PARD3: variants seen among roughly 807,000 people sequenced by gnomAD.
PARD3 encodes partitioning defective 3 homolog.
PARD3 carries 75 observed loss-of-function variants against 155.4 expected under a neutral mutation model. The observed-to-expected ratio is 0.48, with a 90% CI of 0.40 to 0.58. The LOEUF is 0.58. Among genes scored for constraint, PARD3 ranks in the 20% least tolerant of loss-of-function variants. The probability of loss-of-function intolerance (pLI) is 0.00; values close to 1 mark genes in which losing one functional copy is unlikely to be tolerated. For synonymous variants in PARD3, 576 were observed against 610.5 expected, an observed-to-expected ratio of 0.94 and a Z score of 0.83; for missense variants, 1,642 against 1,721.7, an observed-to-expected ratio of 0.95 and a Z score of 0.82.
intron 2 of PARD3, among the ~76,000 whole-genome samples, chr10:34,634,362 A>G (rs1176754088): frequency 1.3e-5 from 2 of 152,152 alleles, no homozygotes; most frequent in African/African-American, 4.8e-5. Flanking sequence ...AAATGCTCAT[A>G]TATGTGCAGA....
intron 3 of PARD3, among the ~76,000 whole-genome samples, chr10:34,498,404 G>A (rs2133394111): frequency 1.3e-5 from 2 of 152,284 alleles, no homozygotes; most frequent in East Asian, 3.9e-4. Context: ...TGTCCCATGA[G>A]TTTTATACAC....
chr10:34,344,369 G>C, intron 15 of PARD3: 1 of 789,990 alleles, frequency 1.3e-6, no homozygotes, highest in Non-Finnish European at 1.5e-6. Flanking sequence ...TGCAAGCTCT[G>C]CCTCCTGGGT....
chr10:34,502,776 C>A (rs986995799), intron 3 of PARD3, among the ~76,000 whole-genome samples: 9 of 151,920 alleles, frequency 5.9e-5, no homozygotes, highest in Non-Finnish European at 7.4e-5. Context: ...AAACAAAAAA[C>A]AACAACTTTG....
chr10:34,296,188 AT>A lies in PARD3; in HGVS notation c.3066-11944del, dbSNP rs1190387198. ...GAGTTCATGAAGTAAACTATATTAT[AT>A]TTTAAAATAAGTTATTGATGGCCCA... On this transcript the variant is annotated intron_variant, in intron 20 of 24. Coordinates refer to ENST00000374788, the MANE Select transcript of PARD3 (RefSeq NM_001184785.2). Among the ~76,000 whole-genome samples, 8 of 152,336 alleles carry A rather than the reference AT, an allele frequency of 5.3e-5. No homozygotes were observed. The East Asian group carries it at 1.5e-3, about 29-fold the overall frequency.
chr10:34,526,261 G>A (rs1333319328), intron 2 of PARD3, among the ~76,000 whole-genome samples: 1 of 151,986 alleles, frequency 6.6e-6, no homozygotes, highest in Non-Finnish European at 1.5e-5. Flanking sequence ...AAACGTTAGT[G>A]AGCAAGCAAC....
At chr10:34,482,944 T>G (rs1355309063) in intron 3 of PARD3, among the ~76,000 whole-genome samples, 2 of 149,178 alleles carry the variant, frequency 1.3e-5, no homozygotes, top group African/African-American at 2.5e-5. Context: ...AGGTCGGGAG[T>G]TCAAGACCAT....
At chr10:34,363,947 CTACT>C (rs1839709977) in intron 12 of PARD3, among the ~76,000 whole-genome samples, 1 of 152,166 alleles carries the variant, frequency 6.6e-6, no homozygotes, top group Non-Finnish European at 1.5e-5. Context: ...ATTGTGAAAG[CTACT>C]TACTATCCCA....
chr10:34,200,907 G>C (rs567226777), intron 22 of PARD3, among the ~76,000 whole-genome samples: 17 of 152,286 alleles, frequency 1.1e-4, no homozygotes, highest in African/African-American at 4.1e-4. Context: ...TCAGAAACAG[G>C]GAAGACACTG....
intron 2 of PARD3, among the ~76,000 whole-genome samples, chr10:34,535,402 T>C (rs1479165278): frequency 6.6e-6 from 1 of 152,096 alleles, no homozygotes; most frequent in Non-Finnish European, 1.5e-5. Context: ...GTTCATGCAA[T>C]GAGACGAGAG....
rs1465461139 is a variant in PARD3, at chr10:34,799,763, G to A, written c.120+15113C>T. 5.3e-5 allele frequency among the ~76,000 whole-genome samples: 8 copies of A among 152,070 alleles called. No homozygotes were observed. The East Asian group carries it at 1.4e-3, about 26-fold the overall frequency. The stretch of plus-strand genomic sequence containing the variant: ...CCCAGCACTTTGGGGAGCCAAAGTG[G>A]GAGGGTCACTTGAGCCCAGGAGTTG... On this transcript the variant is annotated intron_variant, in intron 1 of 24. Coordinates refer to ENST00000374788, the MANE Select transcript of PARD3 (RefSeq NM_001184785.2).
chr10:34,802,954 G>A (rs765851287), intron 1 of PARD3, among the ~76,000 whole-genome samples: 5 of 151,590 alleles, frequency 3.3e-5, no homozygotes, highest in Admixed American at 6.6e-5. Flanking sequence ...GACCAGGCAC[G>A]GTGACTCACA....
chr10:34,782,767 C>T (rs978131517), intron 1 of PARD3, among the ~76,000 whole-genome samples: 1 of 151,272 alleles, frequency 6.6e-6, no homozygotes, highest in Non-Finnish European at 1.5e-5. Flanking sequence ...TGCTCTGTCA[C>T]CCAGGCTAGA....
intron 3 of PARD3, among the ~76,000 whole-genome samples, chr10:34,514,937 A>G (rs534411740): frequency 6.6e-6 from 1 of 152,342 alleles, no homozygotes; most frequent in South Asian, 2.1e-4. Context: ...AGATACAAGT[A>G]CAACACTACA....
intron 3 of PARD3, chr10:34,488,823 G>A (rs1353094531): frequency 6.4e-6 from 1 of 155,064 alleles, no homozygotes; most frequent in Non-Finnish European, 1.4e-5. Context: ...CACCATGCTA[G>A]ACACCCTGGC....
intron 3 of PARD3, among the ~76,000 whole-genome samples, chr10:34,475,564 C>T (rs1348001246): frequency 6.6e-6 from 1 of 152,176 alleles, no homozygotes; most frequent in Non-Finnish European, 1.5e-5. Flanking sequence ...ATTTGTCTCA[C>T]ATTTTGAATT....
At chr10:34,664,305 C>T (rs56070978) in intron 2 of PARD3, among the ~76,000 whole-genome samples, 2,702 of 152,044 alleles carry the variant, frequency 0.018, 77 homozygotes, top group African/African-American at 0.062. Flanking sequence ...CAGGTTCAAG[C>T]GATTCTCCTG....
intron 1 of PARD3, among the ~76,000 whole-genome samples, chr10:34,775,326 G>A (rs1835994339): frequency 6.6e-6 from 1 of 152,108 alleles, no homozygotes; most frequent in Non-Finnish European, 1.5e-5. Context: ...AGACCAGCCT[G>A]GGCAACAAAG....
At chr10:34,774,929 A>G (rs1238176006) in intron 1 of PARD3, among the ~76,000 whole-genome samples, 1 of 152,260 alleles carries the variant, frequency 6.6e-6, no homozygotes, top group Non-Finnish European at 1.5e-5. Flanking sequence ...TTACCTAGTT[A>G]CGAAGATGTA....
intron 2 of PARD3, among the ~76,000 whole-genome samples, chr10:34,568,232 G>A (rs1590049461): frequency 2.0e-5 from 3 of 152,230 alleles, no homozygotes; most frequent in East Asian, 3.9e-4. Context: ...AAGGTAAATC[G>A]AAATTTACCC....
Sources: gnomAD v4.1 joint callset for allele counts (sites outside exome capture counted in the v4.1 genomes callset) on GRCh38, gnomAD v4.1.1 for gene constraint, MANE v1.5 for transcripts, NCBI Gene and HGNC (gene_info 2026-07-23, HGNC 2026-07-21) for gene names.